Variants in KALRN observed in about 807,000 individuals in gnomAD.
KALRN encodes kalirin RhoGEF kinase, also known as kalirin.
KALRN carries 70 observed loss-of-function variants against 353.7 expected under a neutral mutation model. The observed-to-expected ratio is 0.20, with a 90% CI of 0.16 to 0.24. The LOEUF is 0.24. Among genes scored for constraint, KALRN ranks in the 10% least tolerant of loss-of-function variants. The pLI is 1.00. For synonymous variants in KALRN, 1,391 were observed against 1,434.8 expected (o/e 0.97, Z 0.69); for missense variants, 2,791 against 3,756.7 (o/e 0.74, Z 6.72).
chr3:124,152,990 T>C (rs1056308282), intron 1 of KALRN: 2 of 248,404 alleles, frequency 8.1e-6, no homozygotes, highest in African/African-American at 2.3e-5. Context: ...TCTCAGGTGC[T>C]TGATCTTCAG....
intron 1 of KALRN, among the ~76,000 whole-genome samples, chr3:124,198,875 G>C (rs1244742522): frequency 6.6e-6 from 1 of 152,184 alleles, no homozygotes; most frequent in Non-Finnish European, 1.5e-5. Context: ...GCAGGAATGA[G>C]GGATCCAGAG....
chr3:124,327,594 T>TAC (rs904844395), intron 7 of KALRN, among the ~76,000 whole-genome samples: 84 of 152,340 alleles, frequency 5.5e-4, no homozygotes, highest in African/African-American at 1.8e-3. Flanking sequence ...TATAGTCATA[T>TAC]ACACACACAC....
chr3:124,069,325 G>C (rs1466647607), intron 1 of KALRN, among the ~76,000 whole-genome samples: 2 of 118,940 alleles, frequency 1.7e-5, no homozygotes, highest in Middle Eastern at 3.7e-3. Context: ...AGGAGGAGGA[G>C]GAGGAGGAGG....
intron 1 of KALRN, among the ~76,000 whole-genome samples, chr3:124,192,344 TAGAG>T (rs1322947597): frequency 2.6e-5 from 4 of 151,786 alleles, no homozygotes; most frequent in Admixed American, 6.6e-5. Flanking sequence ...CTCATGAACA[TAGAG>T]AGTACAAGGA....
intron 1 of KALRN, among the ~76,000 whole-genome samples, chr3:124,206,954 G>T (rs114589306): frequency 6.6e-6 from 1 of 152,178 alleles, no homozygotes; most frequent in South Asian, 2.1e-4. Flanking sequence ...GAACATTGGC[G>T]TTGGCACTTT....
intron 25 of KALRN, 137 bp from the exon 26 acceptor site, chr3:124,474,526 C>T: frequency 1.5e-6 from 1 of 665,080 alleles, no homozygotes; most frequent in Non-Finnish European, 2.7e-6. Context: ...AAAACTGCAC[C>T]TCACCATCTA....
At chr3:124,324,524 A>G (rs2079675718) in intron 6 of KALRN, among the ~76,000 whole-genome samples, 1 of 152,230 alleles carries the variant, frequency 6.6e-6, no homozygotes, top group Non-Finnish European at 1.5e-5. Context: ...AAGAATCAGT[A>G]ATGTCCTAGT....
chr3:124,156,134 T>A (rs189846472), intron 1 of KALRN, among the ~76,000 whole-genome samples: 160 of 152,306 alleles, frequency 1.1e-3, no homozygotes, highest in South Asian at 2.3e-3. Context: ...GTATATGAAG[T>A]GGAATCCCTC....
chr3:124,498,664 C>T (rs369884349), intron 33 of KALRN, among the ~76,000 whole-genome samples: 3 of 152,154 alleles, frequency 2.0e-5, no homozygotes, highest in African/African-American at 4.8e-5. Flanking sequence ...TGTGTGTACA[C>T]AAAACCTAGA....
intron 54 of KALRN, 46 bp from the exon 55 acceptor site, chr3:124,697,547 C>T: frequency 6.6e-7 from 1 of 1,524,870 alleles, no homozygotes; most frequent in Non-Finnish European, 8.8e-7. Context: ...TGTAAAATGC[C>T]AAGTTCTGCA....
intron 38 of KALRN, among the ~76,000 whole-genome samples, chr3:124,654,712 A>G (rs2083808696): frequency 6.6e-6 from 1 of 152,174 alleles, no homozygotes. Flanking sequence ...GGGAAAGAGC[A>G]TGGTCTTTGG....
At chr3:124,226,163 T>C (rs1327871201) in intron 1 of KALRN, among the ~76,000 whole-genome samples, 2 of 152,194 alleles carry the variant, frequency 1.3e-5, no homozygotes, top group Non-Finnish European at 2.9e-5. Flanking sequence ...TAAAGCCTAA[T>C]AGATTGCCAA....
chr3:124,468,457 C>G (rs190990645), intron 25 of KALRN, among the ~76,000 whole-genome samples: 214 of 152,338 alleles, frequency 1.4e-3, no homozygotes, highest in Middle Eastern at 6.8e-3. Flanking sequence ...CTGCTGCTAC[C>G]TTTTCCTCCC....
chr3:124,492,662 C>G, intron 31 of KALRN, 78 bp from the exon 32 acceptor site: 1 of 1,434,572 alleles, frequency 7.0e-7, no homozygotes, highest in East Asian at 2.3e-5. Context: ...CAGATGAAGA[C>G]TGCAGGAGGG....
chr3:124,657,339 G>A (rs535780405), intron 39 of KALRN, 109 bp from the exon 40 acceptor site: 25 of 721,996 alleles, frequency 3.5e-5, no homozygotes, highest in African/African-American at 2.3e-4. Context: ...GCATTTGTCC[G>A]CAAACTCACG....
At chr3:124,714,597 A>T (rs527577146) in intron 58 of KALRN, among the ~76,000 whole-genome samples, 1 of 152,196 alleles carries the variant, frequency 6.6e-6, no homozygotes, top group East Asian at 1.9e-4. Flanking sequence ...CAGTGGGTTG[A>T]ACTAGTTTAG....
chr3:124,676,734 A>G (rs1010675200), intron 49 of KALRN, among the ~76,000 whole-genome samples: 1 of 152,180 alleles, frequency 6.6e-6, no homozygotes, highest in Non-Finnish European at 1.5e-5. Flanking sequence ...CCCTGACTCA[A>G]GTTGTTCTCA....
At chr3:124,308,432 C>A (rs2077919332) in intron 6 of KALRN, among the ~76,000 whole-genome samples, 1 of 151,778 alleles carries the variant, frequency 6.6e-6, no homozygotes, top group African/African-American at 2.4e-5. Flanking sequence ...AAAAACAAAC[C>A]TCATGAAATA....
chr3:124,693,754 T>C, intron 51 of KALRN, 50 bp from the exon 52 acceptor site: 5 of 1,286,006 alleles, frequency 3.9e-6, no homozygotes, highest in Non-Finnish European at 5.5e-6. Context: ...CCTTGTTCTC[T>C]TTTAGTAGTT....
Sources: allele counts gnomAD v4.1 joint callset (sites outside exome capture counted in the v4.1 genomes callset), GRCh38; gene constraint gnomAD v4.1.1; transcripts MANE v1.5; gene names NCBI Gene and HGNC (gene_info 2026-07-23, HGNC 2026-07-21).